Variants in PCYOX1 observed in about 807,000 individuals in gnomAD.
The protein encoded by PCYOX1 is prenylcysteine oxidase 1.
A neutral mutation model predicts 46.4 loss-of-function variants in PCYOX1; 46 were observed. That is an observed-to-expected ratio of 0.99 (90% CI 0.78 to 1.27). The LOEUF (loss-of-function observed/expected upper bound fraction) is 1.27. Among genes scored for constraint, PCYOX1 ranks in the 50% most tolerant of loss-of-function variants. The probability of loss-of-function intolerance (pLI) is 0.00; values close to 1 mark genes in which losing one functional copy is unlikely to be tolerated. For synonymous variants in PCYOX1, 220 were observed against 231.8 expected (o/e 0.95, Z 0.46); for missense variants, 658 against 628.3 (o/e 1.05, Z -0.51).
chr2:70,275,480 C>T (rs755469426), intron 4 of PCYOX1, 34 bp from the exon 5 acceptor site: 2 of 1,606,878 alleles, frequency 1.2e-6, no homozygotes, highest in Non-Finnish European at 1.7e-6. Flanking sequence ...TACAAAAAGT[C>T]AGAATTAAAA....
intron 3 of PCYOX1, among the ~76,000 whole-genome samples, chr2:70,272,543 C>T (rs1696616706): frequency 1.3e-5 from 2 of 152,110 alleles, no homozygotes; most frequent in Admixed American, 1.3e-4. Context: ...AGTATATTGG[C>T]TGGCTGTTCA....
At chr2:70,262,005 C>G (rs1290589021) in intron 3 of PCYOX1, among the ~76,000 whole-genome samples, 2 of 152,094 alleles carry the variant, frequency 1.3e-5, no homozygotes, top group African/African-American at 2.4e-5. Flanking sequence ...TCAGGTGCCT[C>G]TTTTTCGTCC....
chr2:70,261,712 G>T (rs892444271), intron 3 of PCYOX1, among the ~76,000 whole-genome samples: 1 of 152,180 alleles, frequency 6.6e-6, no homozygotes, highest in Non-Finnish European at 1.5e-5. Context: ...GAAGGTGGCG[G>T]TGTAGAGAGG....
intron 3 of PCYOX1, among the ~76,000 whole-genome samples, chr2:70,267,049 G>C (rs76423056): frequency 0.059 from 8,981 of 151,214 alleles, 372 homozygotes; most frequent in East Asian, 0.18. Flanking sequence ...GCTGCTGGGC[G>C]GAGGGGCTCC....
Position 70,275,537 on chromosome 2 carries a change from G to T in PCYOX1, c.730G>T (p.Asp244Tyr), listed in dbSNP as rs1182257149. The T allele has an allele frequency of 4.3e-6, 7 of 1,614,140 alleles. No homozygotes were observed. The highest frequency in any genetic ancestry group is 5.9e-6 in the Non-Finnish European group (7 of 1,180,020). ...AGGGGCGGTGTCACTGTCCTGTTCT[G>T]ATTCTGGCCTTTGGGCAGTAGAAGG... ...FVGAVSLSCSDSGLWAVEGGN... is the reference protein window; with the variant it reads ...FVGAVSLSCSYSGLWAVEGGN... Residue 244 changes from aspartate (D) to tyrosine (Y), a missense_variant, in exon 5 of 6, where the codon GAT becomes TAT. By Grantham distance (160) the Asp-to-Tyr change is radical. Coordinates refer to ENST00000433351, the MANE Select transcript of PCYOX1 (RefSeq NM_016297.4).
At chr2:70,264,698 G>A (rs1172258792) in intron 3 of PCYOX1, among the ~76,000 whole-genome samples, 1 of 151,894 alleles carries the variant, frequency 6.6e-6, no homozygotes, top group Non-Finnish European at 1.5e-5. Context: ...GGGATACATA[G>A]GTTATACTGT....
Sources: gnomAD v4.1 joint callset for allele counts (sites outside exome capture counted in the v4.1 genomes callset) on GRCh38, gnomAD v4.1.1 for gene constraint, MANE v1.5 for transcripts, NCBI Gene and HGNC (gene_info 2026-07-23, HGNC 2026-07-21) for gene names.